Variants in RIMS2 observed in about 807,000 individuals in gnomAD.
RIMS2 encodes the protein regulating synaptic membrane exocytosis protein 2.
A neutral mutation model predicts 174.4 loss-of-function variants in RIMS2; 59 were observed. The observed-to-expected ratio is 0.34, with a 90% CI of 0.27 to 0.42. The LOEUF is 0.42. Ranked by LOEUF, RIMS2 falls within the 10% of genes least tolerant of loss-of-function variation. RIMS2 has a pLI of 1.00. For missense variants in RIMS2, 1,620 were observed against 1,666.3 expected, an observed-to-expected ratio of 0.97 and a Z score of 0.48; for synonymous variants, 606 against 572.5, an observed-to-expected ratio of 1.06 and a Z score of -0.84.
intron 2 of RIMS2, among the ~76,000 whole-genome samples, chr8:103,710,039 A>T (rs1469237102): frequency 6.6e-6 from 1 of 151,568 alleles, no homozygotes; most frequent in Non-Finnish European, 1.5e-5. Context: ...AAATAAAAAG[A>T]CTCTGGAATG....
chr8:104,033,933 T>G (rs35388563), intron 19 of RIMS2, among the ~76,000 whole-genome samples: 34,267 of 151,980 alleles, frequency 0.23, 3,995 homozygotes, highest in South Asian at 0.35. Flanking sequence ...TTGGAGTTAT[T>G]TCTCTTATGT....
intron 19 of RIMS2, among the ~76,000 whole-genome samples, chr8:104,049,302 C>G (rs1555176153): frequency 6.6e-6 from 1 of 151,970 alleles, no homozygotes; most frequent in African/African-American, 2.4e-5. Context: ...GCCTGTAGTC[C>G]CAGCTACTCG....
chr8:103,975,487 A>G (rs1409088068), exon 16 of RIMS2: 1 of 1,613,252 alleles, frequency 6.2e-7, no homozygotes, highest in Admixed American at 1.7e-5. Flanking sequence ...ATGGTCACCC[A>G]GTGTCCCTCC....
chr8:103,920,296 A>G (rs1346767124), intron 9 of RIMS2, among the ~76,000 whole-genome samples: 1 of 152,044 alleles, frequency 6.6e-6, no homozygotes, highest in Non-Finnish European at 1.5e-5. Flanking sequence ...TACCAAAAGG[A>G]GCTATCATTG....
chr8:104,253,116 T>C (rs1482937237), downstream of RIMS2: 1 of 152,230 alleles, frequency 6.6e-6, no homozygotes, highest in African/African-American at 2.4e-5. Flanking sequence ...TTTTGCAGTT[T>C]ATTGTACAGT....
In RIMS2 at chr8:103,842,373, G is replaced by A. The variant is rs141352010; in HGVS notation, c.699-42925G>A. Among the ~76,000 whole-genome samples, 223 of 152,132 alleles carry A rather than the reference G, an allele frequency of 1.5e-3. 1 individual carries two copies. The highest frequency in any genetic ancestry group is 5.0e-3 in the African/African-American group (206 of 41,530). ...AATGTTAACAGCAATTGCTTTGGGCGTTATAATTTTAAATATAACTAAAAA... is the reference window on the plus strand; with the variant it reads ...AATGTTAACAGCAATTGCTTTGGGCATTATAATTTTAAATATAACTAAAAA... On this transcript the variant is annotated intron_variant, in intron 3 of 23. Coordinates refer to ENST00000504942, the Ensembl canonical transcript of RIMS2.
chr8:103,660,100 T>C (rs2096579922), intron 1 of RIMS2, among the ~76,000 whole-genome samples: 1 of 152,206 alleles, frequency 6.6e-6, no homozygotes, highest in Non-Finnish European at 1.5e-5. Context: ...TGCTGCCGTG[T>C]CCTCAGTGAG....
At chr8:103,546,345 A>G (rs992152168) in intron 1 of RIMS2, among the ~76,000 whole-genome samples, 3 of 152,186 alleles carry the variant, frequency 2.0e-5, no homozygotes, top group East Asian at 1.9e-4. Flanking sequence ...TCCTAAATAT[A>G]TATGCACCCA....
chr8:104,001,853 A>G (rs550031081), intron 17 of RIMS2, among the ~76,000 whole-genome samples: 1 of 152,172 alleles, frequency 6.6e-6, no homozygotes, highest in East Asian at 1.9e-4. Flanking sequence ...GCAACTAAAC[A>G]CAACCACCCA....
rs545303169 is a variant in RIMS2, at chr8:103,953,970, C to T, written c.2702-7095C>T. Among the ~76,000 whole-genome samples the T allele has an allele frequency of 2.0e-5, 3 of 152,138 alleles. No homozygotes were observed. The East Asian group carries it at 5.8e-4, about 29-fold the overall frequency. ...GTTGCAATCCTAGTCTCTGATGAAA[C>T]AGACTTTAAACCAACAAAGATCAAA... is the stretch of plus-strand genomic sequence containing the variant. On this transcript the variant is annotated intron_variant, in intron 14 of 23. Coordinates refer to ENST00000504942, the Ensembl canonical transcript of RIMS2.
intron 3 of RIMS2, among the ~76,000 whole-genome samples, chr8:103,804,084 G>A (rs956349135): frequency 6.6e-6 from 1 of 152,060 alleles, no homozygotes; most frequent in African/African-American, 2.4e-5. Flanking sequence ...TGCAGCAATG[G>A]CAAACTAGTA....
chr8:103,936,708 G>C (rs1434109001), exon 13 of RIMS2: 1 of 1,603,912 alleles, frequency 6.2e-7, no homozygotes, highest in East Asian at 2.2e-5. Flanking sequence ...GGAAGAAAGT[G>C]AATTCTTAGG....
At chr8:103,573,118 G>T (rs1324490495) in intron 1 of RIMS2, among the ~76,000 whole-genome samples, 2 of 152,012 alleles carry the variant, frequency 1.3e-5, no homozygotes, top group Non-Finnish European at 2.9e-5. Context: ...GGATGTGGTG[G>T]TGTGATCCTG....
chr8:103,861,712 G>A (rs1237332002), intron 3 of RIMS2, among the ~76,000 whole-genome samples: 3 of 151,888 alleles, frequency 2.0e-5, no homozygotes, highest in Non-Finnish European at 1.5e-5. Context: ...GTTTTATTTT[G>A]CATTTCTCTG....
At chr8:103,655,670 C>T (rs1248552575) in intron 1 of RIMS2, among the ~76,000 whole-genome samples, 3 of 151,976 alleles carry the variant, frequency 2.0e-5, no homozygotes, top group Non-Finnish European at 4.4e-5. Flanking sequence ...TTAATAGAAA[C>T]AAAATGTTAA....
intron 1 of RIMS2, among the ~76,000 whole-genome samples, chr8:103,533,678 A>AACAG (rs1554605735): frequency 5.4e-5 from 8 of 147,982 alleles, no homozygotes; most frequent in African/African-American, 9.9e-5. Context: ...AAAAAAAAAA[A>AACAG]AAAAGAAAAA....
chr8:103,543,813 C>G (rs1843643341), intron 1 of RIMS2, among the ~76,000 whole-genome samples: 1 of 152,126 alleles, frequency 6.6e-6, no homozygotes, highest in African/African-American at 2.4e-5. Context: ...TAAAATTAGA[C>G]CCTGATGTCA....
intron 1 of RIMS2, among the ~76,000 whole-genome samples, chr8:103,609,252 A>G (rs973732907): frequency 6.6e-6 from 1 of 152,150 alleles, no homozygotes; most frequent in Non-Finnish European, 1.5e-5. Flanking sequence ...GGTGCTGAAT[A>G]TTAGAGCTTC....
chr8:103,759,452 C>T (rs2140079856), intron 2 of RIMS2, among the ~76,000 whole-genome samples: 1 of 150,864 alleles, frequency 6.6e-6, no homozygotes. Flanking sequence ...GTAGTCCCAG[C>T]TACTCGGGAG....
Sources: gnomAD v4.1 joint callset for allele counts (sites outside exome capture counted in the v4.1 genomes callset) on GRCh38, gnomAD v4.1.1 for gene constraint, MANE v1.5 for transcripts, NCBI Gene and HGNC (gene_info 2026-07-23, HGNC 2026-07-21) for gene names.